The following UNC5C variants were observed in gnomAD, a reference collection of about 807,000 sequenced individuals.
UNC5C encodes unc-5 netrin receptor C.
UNC5C carries 47 observed loss-of-function variants against 99.8 expected under a neutral mutation model. The ratio of observed to expected loss-of-function variants is 0.47; its 90% CI spans 0.37 to 0.60. The LOEUF (loss-of-function observed/expected upper bound fraction) is 0.60. Ranked by LOEUF, UNC5C falls within the 20% of genes least tolerant of loss-of-function variation. The pLI is 0.00. For missense variants in UNC5C, 1,062 were observed against 1,165.9 expected (o/e 0.91, Z 1.30); for synonymous variants, 487 against 452.2 (o/e 1.08, Z -0.98).
intron 3 of UNC5C, among the ~76,000 whole-genome samples, chr4:95,301,386 G>T (rs1273783805): frequency 6.6e-6 from 1 of 151,906 alleles, no homozygotes; most frequent in East Asian, 1.9e-4. Context: ...TAGTAGAAAC[G>T]GGGTTTCACC....
chr4:95,276,746 G>A (rs1740876117), intron 4 of UNC5C, among the ~76,000 whole-genome samples: 1 of 152,136 alleles, frequency 6.6e-6, no homozygotes, highest in South Asian at 2.1e-4. Context: ...TCTTAGTGCT[G>A]CGAGATAAGG....
At chr4:95,206,330 A>G (rs1479046546) in intron 11 of UNC5C, among the ~76,000 whole-genome samples, 1 of 151,916 alleles carries the variant, frequency 6.6e-6, no homozygotes, top group African/African-American at 2.4e-5. Context: ...ACACACATAT[A>G]CACAATATAT....
intron 2 of UNC5C, among the ~76,000 whole-genome samples, chr4:95,308,751 C>CAAAAAAAAAAAAAAAAAAAAAAA (rs59626139): frequency 8.7e-5 from 3 of 34,396 alleles, no homozygotes; most frequent in Admixed American, 5.6e-4. Context: ...GACTCTGTCT[C>CAAAAAAAAAAAAAAAAAAAAAAA]AAAAAAAAAA....
chr4:95,472,857 A>G (rs1017635070), intron 1 of UNC5C, among the ~76,000 whole-genome samples: 7 of 152,034 alleles, frequency 4.6e-5, no homozygotes, highest in Non-Finnish European at 7.4e-5. Flanking sequence ...AATCTGTCTC[A>G]TTAATGTAAT....
chr4:95,346,654 A>G (rs1469526819), intron 1 of UNC5C, among the ~76,000 whole-genome samples: 1 of 151,922 alleles, frequency 6.6e-6, no homozygotes, highest in Non-Finnish European at 1.5e-5. Context: ...GATACATCCT[A>G]TTGAGAGAAT....
intron 5 of UNC5C, among the ~76,000 whole-genome samples, chr4:95,249,380 T>C (rs974378823): frequency 2.6e-5 from 4 of 152,150 alleles, no homozygotes; most frequent in African/African-American, 9.7e-5. Flanking sequence ...GTGATAAAAA[T>C]CTTCATTATG....
chr4:95,531,645 G>T (rs1722645558), intron 1 of UNC5C, among the ~76,000 whole-genome samples: 1 of 152,148 alleles, frequency 6.6e-6, no homozygotes, highest in Non-Finnish European at 1.5e-5. Flanking sequence ...ATAGGCTGTG[G>T]TCCTACCAAA....
chr4:95,218,933 A>G, intron 9 of UNC5C, 36 bp downstream of exon 9: 1 of 1,534,994 alleles, frequency 6.5e-7, no homozygotes, highest in Non-Finnish European at 8.8e-7. Flanking sequence ...ATATGTTTCA[A>G]GCTGCCTCTT....
At chr4:95,237,657 A>G (rs1426615911) in intron 7 of UNC5C, among the ~76,000 whole-genome samples, 1 of 152,140 alleles carries the variant, frequency 6.6e-6, no homozygotes, top group Non-Finnish European at 1.5e-5. Context: ...GTCAAAAATG[A>G]TCTCTAATAT....
chr4:95,437,968 C>A (rs1746839601), intron 1 of UNC5C, among the ~76,000 whole-genome samples: 1 of 152,082 alleles, frequency 6.6e-6, no homozygotes, highest in Non-Finnish European at 1.5e-5. Context: ...TTTGCACATT[C>A]ATGCTTCTAA....
chr4:95,220,021 C>A lies in UNC5C; in HGVS notation c.1264G>T (p.Gly422Cys). Reference sequence around the variant, plus strand: ...GCCTTGATGTTCACAGGCTGAAAGCCCCCATTGAGTGCCGAAGAGTCAATA... The same window carrying A: ...GCCTTGATGTTCACAGGCTGAAAGCACCCATTGAGTGCCGAAGAGTCAATA... The part of the protein sequence containing the change: ...DIIDSSALNG[G>C]FQPVNIKAAR... Residue 422 changes from glycine to cysteine, a missense_variant, in exon 8 of 16, where the codon GGC (glycine) becomes TGC (cysteine). By Grantham distance (159) the Gly-to-Cys change is radical. Transcript: ENST00000453304. The A allele has an allele frequency of 6.2e-7, 1 of 1,613,958 alleles. No individual in the cohort carries two copies. The highest frequency in any genetic ancestry group is 8.5e-7 in the Non-Finnish European group (1 of 1,179,922).
chr4:95,396,697 G>A (rs1039936209), intron 1 of UNC5C, among the ~76,000 whole-genome samples: 4 of 152,134 alleles, frequency 2.6e-5, no homozygotes, highest in East Asian at 3.9e-4. Context: ...AAGCCCACCC[G>A]TGGACCCATC....
chr4:95,343,304 C>T (rs1374268922), intron 1 of UNC5C, among the ~76,000 whole-genome samples: 1 of 152,042 alleles, frequency 6.6e-6, no homozygotes, highest in Non-Finnish European at 1.5e-5. Context: ...CTAGGCAGCT[C>T]AGTAGACAGA....
chr4:95,317,557 C>T lies in UNC5C; in HGVS notation c.347-15808G>A, dbSNP rs576450987. ...GTGGAGAAAGAACTTGTATGAGAAA[C>T]GTGGCAATGAGAATGAGACGGAATG... On this transcript the variant is annotated intron_variant, in intron 2 of 15. Coordinates refer to ENST00000453304, the MANE Select transcript of UNC5C (RefSeq NM_003728.4). Among the ~76,000 whole-genome samples the T allele has an allele frequency of 4.7e-4, 71 of 152,196 alleles. 1 individual carries two copies. Among genetic ancestry groups the T allele is most frequent in the East Asian group, 3.1e-3 (16 of 5,178 alleles).
At chr4:95,279,960 C>T (rs1359100070) in intron 3 of UNC5C, among the ~76,000 whole-genome samples, 5 of 152,242 alleles carry the variant, frequency 3.3e-5, no homozygotes, top group South Asian at 2.1e-4. Flanking sequence ...CTATATCCTT[C>T]GCATCTGTAG....
At chr4:95,437,812 C>A (rs1333019098) in intron 1 of UNC5C, among the ~76,000 whole-genome samples, 1 of 152,038 alleles carries the variant, frequency 6.6e-6, no homozygotes, top group Non-Finnish European at 1.5e-5. Flanking sequence ...AATAGCCCTA[C>A]TAAGAAAACT....
At chr4:95,189,512 C>A (rs1350490516) in intron 12 of UNC5C, among the ~76,000 whole-genome samples, 2 of 152,192 alleles carry the variant, frequency 1.3e-5, no homozygotes, top group African/African-American at 2.4e-5. Context: ...AACTAAAGAG[C>A]TTCTGCACAG....
At chr4:95,531,872 A>G (rs1367968075) in intron 1 of UNC5C, among the ~76,000 whole-genome samples, 3 of 152,214 alleles carry the variant, frequency 2.0e-5, no homozygotes, top group African/African-American at 7.2e-5. Flanking sequence ...TGGCACAACA[A>G]TAACCCCAAT....
At chr4:95,176,651 C>T (rs890180828) in intron 14 of UNC5C, among the ~76,000 whole-genome samples, 60 of 152,348 alleles carry the variant, frequency 3.9e-4, no homozygotes, top group African/African-American at 1.3e-3. Context: ...TCAAAGCTGT[C>T]TGACAGGGAC....
Sources: gnomAD v4.1 joint callset for allele counts (sites outside exome capture counted in the v4.1 genomes callset) on GRCh38, gnomAD v4.1.1 for gene constraint, MANE v1.5 for transcripts, NCBI Gene and HGNC (gene_info 2026-07-23, HGNC 2026-07-21) for gene names.